Variants in BEND3 observed in about 807,000 individuals in gnomAD.
BEND3 encodes the protein BEN domain-containing protein 3.
In BEND3, 13 loss-of-function variants were observed where a neutral mutation model predicts 60.1. That is an observed-to-expected ratio of 0.22 (90% CI 0.14 to 0.34). BEND3 has a LOEUF of 0.34. Among genes scored for constraint, BEND3 ranks in the 10% least tolerant of loss-of-function variants. The probability of loss-of-function intolerance (pLI) is 1.00; values close to 1 mark genes in which losing one functional copy is unlikely to be tolerated. For synonymous variants in BEND3, 497 were observed against 491.5 expected, an observed-to-expected ratio of 1.01 and a Z score of -0.15; for missense variants, 896 against 1,138.1, an observed-to-expected ratio of 0.79 and a Z score of 3.06.
In BEND3 at chr6:107,070,576, G is replaced by A; in HGVS notation, c.615C>T (p.Thr205=). ...GCAGCTGGGACATGTTGGACGTGAG[G>A]GTGTTCAGCATGTAGAACATCTTCT... The part of the protein sequence containing the change: ...LIQKMFYMLN[T]LTSNMSQLHS... The change falls in exon 4 of 4, where the codon ACC becomes ACT. Residue 205 remains threonine, a synonymous_variant. Transcript: ENST00000369042. This position sits in a 1 kb window ranked among gnomAD's most constrained non-coding sequence, Gnocchi z 6.9. The A allele has an allele frequency of 1.2e-6, 2 of 1,612,830 alleles. No individual in the cohort carries two copies. The highest frequency in any genetic ancestry group is 2.2e-5 in the South Asian group (2 of 91,012).
At chr6:107,080,376 A>C (rs1425176883) in intron 3 of BEND3, among the ~76,000 whole-genome samples, 1 of 140,618 alleles carries the variant, frequency 7.1e-6, no homozygotes, top group Non-Finnish European at 1.5e-5. Flanking sequence ...AAAAAAAAAA[A>C]ACAAAAAACA....
At chr6:107,099,814 G>A (rs1775667545) in intron 1 of BEND3, among the ~76,000 whole-genome samples, 1 of 151,936 alleles carries the variant, frequency 6.6e-6, no homozygotes, top group Non-Finnish European at 1.5e-5. Flanking sequence ...TGCTATAAGT[G>A]TAAAATACAC....
intron 1 of BEND3, among the ~76,000 whole-genome samples, chr6:107,109,681 C>G (rs918412222): frequency 2.0e-5 from 3 of 152,066 alleles, no homozygotes; most frequent in African/African-American, 7.2e-5. Flanking sequence ...CGAGACCAGC[C>G]TGGCAAACAT....
chr6:107,097,748 C>G (rs1775615851), intron 3 of BEND3, among the ~76,000 whole-genome samples: 1 of 137,910 alleles, frequency 7.3e-6, no homozygotes, highest in Non-Finnish European at 1.5e-5. Context: ...TGAGATTGCG[C>G]CACTGCACTC....
chr6:107,080,941 C>A (rs1345362214), intron 3 of BEND3, among the ~76,000 whole-genome samples: 5 of 152,086 alleles, frequency 3.3e-5, no homozygotes, highest in Non-Finnish European at 7.4e-5. Flanking sequence ...GACTTACTGG[C>A]ACATACATCA....
At position 107,071,009 on chromosome 6, in the gene BEND3, A is replaced by C. The variant is rs1774968836; in HGVS notation, c.241-59T>G. The C allele has an allele frequency of 1.3e-5, 20 of 1,488,740 alleles. No homozygotes were observed. The Admixed American group carries it at 1.8e-4, about 13-fold the overall frequency. The allele number at this position is 1,488,740 out of a possible 1,614,324, so 92.2% of individuals were successfully genotyped here. On this transcript the variant is annotated intron_variant, in intron 3 of 3. Transcript: ENST00000369042. ...GTGGGTGCTGTGGTTTATGACACTA[A>C]ACAAGGGTCTGTGTAGCACACAGAG...
intron 3 of BEND3, among the ~76,000 whole-genome samples, chr6:107,077,803 T>A (rs115987215): frequency 1.4e-3 from 206 of 152,288 alleles, no homozygotes; most frequent in African/African-American, 4.8e-3. Context: ...GTTGAGAGAC[T>A]TCTTAAGAAT....
chr6:107,078,553 C>T (rs1554233045), intron 3 of BEND3, among the ~76,000 whole-genome samples: 2 of 146,690 alleles, frequency 1.4e-5, no homozygotes, highest in Non-Finnish European at 3.0e-5. Flanking sequence ...CTCCTGGGTT[C>T]ATGCCATTCT....
rs573031765 is a variant in BEND3 at position 107,070,223 on chromosome 6, A to G, written c.968T>C (p.Val323Ala). The part of the protein sequence containing the change: ...VYYPSVKDTA[V>A]WQAECLPQLN... Reference sequence around the variant, plus strand: ...CTGGGGCAGGCACTCGGCCTGCCACACAGCCGTGTCCTTCACCGAGGGGTA... The same window carrying G: ...CTGGGGCAGGCACTCGGCCTGCCACGCAGCCGTGTCCTTCACCGAGGGGTA... Residue 323 changes from valine to alanine, a missense_variant, in exon 4 of 4, where the codon GTG (valine) becomes GCG (alanine). By Grantham distance (64) the Val-to-Ala change is moderately conservative. Around this residue, in one of 4 missense-constraint regions of BEND3, gnomAD observed 846 missense variants for 1,036.7 expected, o/e 0.82. Coordinates refer to ENST00000369042, the MANE Select transcript of BEND3 (RefSeq NM_001367314.1). The surrounding 1 kb of genome is among the most constrained non-coding windows in gnomAD (Gnocchi z 6.9). The G allele has an allele frequency of 2.8e-5, 45 of 1,612,896 alleles. No homozygotes were observed. The South Asian group carries it at 4.4e-4, about 16-fold the overall frequency.
intron 3 of BEND3, among the ~76,000 whole-genome samples, chr6:107,092,825 A>G (rs1775504517): frequency 6.6e-6 from 1 of 152,202 alleles, no homozygotes; most frequent in South Asian, 2.1e-4. Flanking sequence ...TTTCCTATAC[A>G]CCAGCAATAA....
rs137990258 is a variant in BEND3, at chr6:107,070,462, G to A, written c.729C>T (p.Pro243=). The change falls in exon 4 of 4, where the codon CCC becomes CCT. Residue 243 remains proline, a synonymous_variant. Transcript: ENST00000369042. The surrounding 1 kb of genome is among the most constrained non-coding windows in gnomAD (Gnocchi z 6.9). ...PTEMVAKFQP[P]PEYQLTAAEL... is the part of the protein sequence containing the mutation. ...CTGCGGCTGTGAGCTGGTACTCAGG[G>A]GGCGGCTGGAATTTGGCCACCATCT... 4 of 1,614,130 alleles carry A rather than the reference G, an allele frequency of 2.5e-6. No homozygotes were observed. Among genetic ancestry groups the A allele is most frequent in the Admixed American group, 1.7e-5 (1 of 60,018 alleles).
intron 1 of BEND3, among the ~76,000 whole-genome samples, chr6:107,107,778 A>C (rs1190828585): frequency 1.3e-5 from 2 of 152,248 alleles, no homozygotes; most frequent in South Asian, 2.1e-4. Context: ...ACATTTTAAT[A>C]GTGAATTTTT....
At chr6:107,077,929 T>TA (rs1173169888) in intron 3 of BEND3, among the ~76,000 whole-genome samples, 1 of 151,880 alleles carries the variant, frequency 6.6e-6, no homozygotes, top group African/African-American at 2.4e-5. Flanking sequence ...TTTTAGGACT[T>TA]AAAAAAATAA....
intron 1 of BEND3, among the ~76,000 whole-genome samples, chr6:107,103,975 G>A (rs1447815791): frequency 6.7e-6 from 1 of 148,878 alleles, no homozygotes; most frequent in African/African-American, 2.5e-5. Context: ...AAGAAAGAAA[G>A]AAAGAAAGAA....
intron 3 of BEND3, among the ~76,000 whole-genome samples, chr6:107,090,798 A>G (rs980439820): frequency 1.3e-5 from 2 of 152,160 alleles, no homozygotes; most frequent in Non-Finnish European, 2.9e-5. Flanking sequence ...AGAAAAAAGT[A>G]TAATTAACAT....
chr6:107,087,703 C>T (rs1212601358), intron 3 of BEND3, among the ~76,000 whole-genome samples: 2 of 150,922 alleles, frequency 1.3e-5, no homozygotes, highest in African/African-American at 4.9e-5. Context: ...TGCCACTGCA[C>T]TCCAGCCTGG....
intron 1 of BEND3, among the ~76,000 whole-genome samples, chr6:107,104,889 T>G (rs1295666364): frequency 6.6e-6 from 1 of 151,976 alleles, no homozygotes; most frequent in Non-Finnish European, 1.5e-5. Flanking sequence ...GGTCTCAAAC[T>G]CTGGGGCTCA....
At chr6:107,098,846 C>T in intron 2 of BEND3, 93 bp from the exon 3 acceptor site, 1 of 993,370 alleles carries the variant, frequency 1.0e-6, no homozygotes, top group Non-Finnish European at 1.5e-6. Flanking sequence ...CTGTGGGCCG[C>T]CCTTTGACAC....
Position 107,066,113 on chromosome 6 carries a change from A to AAAAAAAAAAAAAAAAAAAT in BEND3, c.*2590_*2591insATTTTTTTTTTTTTTTTTT, listed in dbSNP as rs1562294783. ...CAAGGCCAAAAAAAAAAAAAAAAAA[A>AAAAAAAAAAAAAAAAAAAT]TCCAAAAAACAAACAACTAAAAACC... On this transcript the variant is annotated 3_prime_UTR_variant, in exon 4 of 4. Coordinates refer to ENST00000369042, the MANE Select transcript of BEND3 (RefSeq NM_001367314.1). The AAAAAAAAAAAAAAAAAAAT allele has an allele frequency of 7.0e-6, 1 of 142,736 alleles. No individual in the cohort carries two copies. The highest frequency in any genetic ancestry group is 2.6e-5 in the African/African-American group (1 of 39,170). 8.8% of individuals were successfully genotyped at this position (142,736 alleles called of 1,614,324 possible). A position where few individuals can be genotyped will look rare whatever the true frequency, so the allele number is the denominator to read the frequency against.
Sources: allele counts gnomAD v4.1 joint callset (sites outside exome capture counted in the v4.1 genomes callset), GRCh38; gene constraint gnomAD v4.1.1; regional missense constraint gnomAD v4.1.1; non-coding constraint Gnocchi (gnomAD v3.1); transcripts MANE v1.5; gene names NCBI Gene and HGNC (gene_info 2026-07-23, HGNC 2026-07-21).